RGS5: variants seen among roughly 807,000 people sequenced by gnomAD.
RGS5 encodes the protein regulator of G protein signaling 5.
In RGS5, 20 loss-of-function variants were observed where a neutral mutation model predicts 18.9. That is an observed-to-expected ratio of 1.06 (90% confidence interval 0.74 to 1.54). The LOEUF is 1.54. RGS5 is among the 40% of genes most tolerant of loss of function. RGS5 has a pLI of 0.00. For missense variants in RGS5, 201 were observed against 211.8 expected (o/e 0.95, Z 0.32); for synonymous variants, 57 against 76.2 (o/e 0.75, Z 1.31).
At chr1:163,217,614 T>C in exon 1 of RGS5, 1 of 1,541,142 alleles carries the variant, frequency 6.5e-7, no homozygotes, top group Non-Finnish European at 8.7e-7. Context: ...AGGTTTTGTT[T>C]CTTTGTTTTG....
At chr1:163,184,866 G>A (rs1009412439) in intron 1 of RGS5, among the ~76,000 whole-genome samples, 1 of 152,152 alleles carries the variant, frequency 6.6e-6, no homozygotes, top group Admixed American at 6.5e-5. Flanking sequence ...TTCCAGAACT[G>A]TATGAGAATG....
intron 1 of RGS5, among the ~76,000 whole-genome samples, chr1:163,195,497 G>A (rs1054910940): frequency 6.6e-6 from 1 of 151,804 alleles, no homozygotes; most frequent in African/African-American, 2.4e-5. Flanking sequence ...GGTGAAGGGT[G>A]CCCTGAAATT....
At chr1:163,315,187 T>C (rs748097584) in intron 1 of RGS5, among the ~76,000 whole-genome samples, 23 of 151,856 alleles carry the variant, frequency 1.5e-4, no homozygotes, top group Non-Finnish European at 2.6e-4. Context: ...CCTGAGAATC[T>C]CATTAACTCA....
intron 1 of RGS5, among the ~76,000 whole-genome samples, chr1:163,185,242 T>C (rs1233600428): frequency 1.3e-5 from 2 of 152,122 alleles, no homozygotes; most frequent in Non-Finnish European, 2.9e-5. Context: ...GTGAGTGGGC[T>C]TCATTTTTAT....
chr1:163,309,530 C>T (rs1470965410), intron 1 of RGS5, among the ~76,000 whole-genome samples: 1 of 151,836 alleles, frequency 6.6e-6, no homozygotes, highest in East Asian at 1.9e-4. Flanking sequence ...AGAAACAACT[C>T]GTCATCCATT....
chr1:163,249,250 A>G (rs1648034865), intron 2 of RGS5, among the ~76,000 whole-genome samples: 1 of 152,220 alleles, frequency 6.6e-6, no homozygotes, highest in African/African-American at 2.4e-5. Context: ...TGGAAATGTA[A>G]GGAAGAAAGA....
intron 2 of RGS5, among the ~76,000 whole-genome samples, chr1:163,165,675 G>A (rs1302826507): frequency 6.6e-6 from 1 of 152,320 alleles, no homozygotes; most frequent in East Asian, 1.9e-4. Flanking sequence ...GGAGGCCGAG[G>A]TGGGCAGATC....
At chr1:163,162,600 A>T (rs988933872) in intron 2 of RGS5, among the ~76,000 whole-genome samples, 21 of 147,336 alleles carry the variant, frequency 1.4e-4, no homozygotes, top group Admixed American at 5.4e-4. Context: ...TTTCTAATTT[A>T]AAAAAAAAAA....
In RGS5 at chr1:163,158,278, A is replaced by T. The variant is rs114979381; in HGVS notation, c.217+3637T>A. 5.9e-3 allele frequency among the ~76,000 whole-genome samples: 900 copies of T among 152,264 alleles called. 3 individuals carry two copies. Among genetic ancestry groups the T allele is most frequent in the Non-Finnish European group, 8.1e-3 (553 of 68,022 alleles). On this transcript the variant is annotated intron_variant, in intron 3 of 4. Transcript: ENST00000313961. ...GGTTCTTCTCTAGGAACAGCCAGAC[A>T]GAGAGAAGCAAAGGGCAAAGACAGA...
chr1:163,164,270 G>A (rs576230330), intron 2 of RGS5, among the ~76,000 whole-genome samples: 2 of 152,296 alleles, frequency 1.3e-5, no homozygotes, highest in South Asian at 2.1e-4. Flanking sequence ...ACCAATAAAT[G>A]TTCTGGTTTG....
At chr1:163,276,403 T>C (rs918545039) in intron 2 of RGS5, among the ~76,000 whole-genome samples, 2 of 152,220 alleles carry the variant, frequency 1.3e-5, no homozygotes, top group Non-Finnish European at 2.9e-5. Context: ...ATTTACTGGG[T>C]ACAATACTCT....
intron 1 of RGS5, among the ~76,000 whole-genome samples, chr1:163,188,489 A>G (rs1659190774): frequency 6.6e-6 from 1 of 152,322 alleles, no homozygotes; most frequent in Admixed American, 6.5e-5. Context: ...TATAGTGTGA[A>G]GGAGTTCCTT....
At chr1:163,195,341 G>A (rs1334762812) in intron 1 of RGS5, among the ~76,000 whole-genome samples, 1 of 151,892 alleles carries the variant, frequency 6.6e-6, no homozygotes, top group Non-Finnish European at 1.5e-5. Context: ...ACCACATATT[G>A]CATGTTCTCA....
chr1:163,259,740 C>T (rs1046095094), intron 2 of RGS5: 1 of 152,026 alleles, frequency 6.6e-6, no homozygotes, highest in Non-Finnish European at 1.5e-5. Context: ...TTCGAGTAGC[C>T]TGATTAGAAG....
chr1:163,310,619 AAAG>A (rs560272084), intron 1 of RGS5, among the ~76,000 whole-genome samples: 2 of 151,910 alleles, frequency 1.3e-5, no homozygotes, highest in Admixed American at 6.6e-5. Flanking sequence ...TCTTCTTTCA[AAAG>A]AAGGTGTTTT....
At chr1:163,260,688 T>TC (rs1648411931) in intron 2 of RGS5, 1 of 151,926 alleles carries the variant, frequency 6.6e-6, no homozygotes, top group Admixed American at 6.6e-5. Flanking sequence ...AAAAACAATA[T>TC]TAGTGAACAC....
intron 2 of RGS5, among the ~76,000 whole-genome samples, chr1:163,239,959 G>A (rs1647743381): frequency 6.6e-6 from 1 of 151,978 alleles, no homozygotes; most frequent in African/African-American, 2.4e-5. Context: ...TCTATGATGT[G>A]TTCATTCTTA....
intron 1 of RGS5, among the ~76,000 whole-genome samples, chr1:163,189,056 A>G (rs1471769182): frequency 1.3e-5 from 2 of 151,934 alleles, no homozygotes; most frequent in Admixed American, 1.3e-4. Flanking sequence ...AACAGCCCAG[A>G]TGAAGCAGCT....
At chr1:163,236,726 G>A (rs12068109) in intron 2 of RGS5, among the ~76,000 whole-genome samples, 3,644 of 152,270 alleles carry the variant, frequency 0.024, 146 homozygotes, top group African/African-American at 0.082. Context: ...CACTTTGGGA[G>A]GTCGAGAGGG....
Sources: gnomAD v4.1 joint callset for allele counts (sites outside exome capture counted in the v4.1 genomes callset) on GRCh38, gnomAD v4.1.1 for gene constraint, MANE v1.5 for transcripts, NCBI Gene and HGNC (gene_info 2026-07-23, HGNC 2026-07-21) for gene names.